MROH1: variants seen among roughly 807,000 people sequenced by gnomAD.
MROH1 encodes the protein maestro heat like repeat family member 1, also known as maestro heat-like repeat-containing protein family member 1.
In MROH1, 117 loss-of-function variants were observed where a neutral mutation model predicts 116.5. The ratio of observed to expected loss-of-function variants is 1.00; its 90% CI spans 0.86 to 1.17. The LOEUF is 1.17. Among genes scored for constraint, MROH1 ranks in the 50% most tolerant of loss-of-function variants. The pLI, the probability that MROH1 is intolerant of heterozygous loss-of-function variation, is 0.00. For missense variants in MROH1, 1,873 were observed against 1,338.5 expected (o/e 1.40, Z -6.23); for synonymous variants, 921 against 583.9 (o/e 1.58, Z -8.32).
chr8:144,213,048 AACATGAGGACTGCCCTGC>A, intron 12 of MROH1: 1 of 779,860 alleles, frequency 1.3e-6, no homozygotes, highest in Non-Finnish European at 2.4e-6. Context: ...ACACGACTGA[AACATGAGGACTGCCCTGC>A]ACGTGCTGCT....
intron 5 of MROH1, among the ~76,000 whole-genome samples, 156 bp downstream of exon 5, chr8:144,179,742 G>A (rs1825065976): frequency 6.7e-6 from 1 of 149,996 alleles, no homozygotes; most frequent in African/African-American, 2.5e-5. Flanking sequence ...CACCCTGCAG[G>A]GGTGGGGGGT....
chr8:144,241,000 G>A lies in MROH1; in HGVS notation c.1944G>A (p.Leu648=). ...CTCTGGTTTTGTTTCAGAACTTCCTGTACAAATGCATAGGCACCACCCTGG... is the reference window on the plus strand; with the variant it reads ...CTCTGGTTTTGTTTCAGAACTTCCTATACAAATGCATAGGCACCACCCTGG... ...YDEAPQEKNF[L]YKCIGTTLGA... The change falls in exon 21 of 44, where the codon CTG becomes CTA. Residue 648 remains leucine (L), a synonymous_variant. Transcript: ENST00000326134. 1.3e-6 allele frequency: 1 copy of A among 762,660 alleles called. No individual in the cohort carries two copies. Among genetic ancestry groups the A allele is most frequent in the Non-Finnish European group, 2.4e-6 (1 of 409,784 alleles). 47.2% of individuals were successfully genotyped at this position (762,660 alleles called of 1,614,324 possible).
intron 29 of MROH1, among the ~76,000 whole-genome samples, chr8:144,247,028 C>T (rs1004436583): frequency 1.3e-4 from 20 of 152,384 alleles, no homozygotes; most frequent in African/African-American, 4.3e-4. Flanking sequence ...TCGGCATGGC[C>T]TGGCCCTCCT....
At chr8:144,166,078 C>T (rs1258851178) in intron 3 of MROH1, among the ~76,000 whole-genome samples, 3 of 151,896 alleles carry the variant, frequency 2.0e-5, no homozygotes, top group Admixed American at 2.0e-4. Flanking sequence ...ATGGTTTCAC[C>T]ATGTTGGCCA....
At chr8:144,225,351 C>T (rs1641830410) in intron 14 of MROH1, among the ~76,000 whole-genome samples, 1 of 151,932 alleles carries the variant, frequency 6.6e-6, no homozygotes, top group Non-Finnish European at 1.5e-5. Context: ...TTGTTTTGTT[C>T]TTGAATAGAG....
At chr8:144,244,057 C>CGTGTGTGCACGCCTT in intron 26 of MROH1, 115 bp downstream of exon 26, 1 of 711,986 alleles carries the variant, frequency 1.4e-6, no homozygotes, top group Admixed American at 2.0e-5. Context: ...CCTGTGCTTG[C>CGTGTGTGCACGCCTT]GTGTGTGCAC....
At chr8:144,209,814 G>A (rs1268718908) in intron 12 of MROH1, among the ~76,000 whole-genome samples, 1 of 150,374 alleles carries the variant, frequency 6.7e-6, no homozygotes, top group Admixed American at 6.7e-5. Context: ...ACTGAGGTGA[G>A]AGGATCACCT....
chr8:144,173,400 A>G (rs944314726), intron 4 of MROH1, among the ~76,000 whole-genome samples: 1 of 143,126 alleles, frequency 7.0e-6, no homozygotes, highest in African/African-American at 2.6e-5. Context: ...CTTCTTTTTT[A>G]TTTATTTATT....
At chr8:144,257,280 C>T (rs1174722703) in intron 35 of MROH1, among the ~76,000 whole-genome samples, 3 of 152,166 alleles carry the variant, frequency 2.0e-5, no homozygotes, top group Non-Finnish European at 4.4e-5. Flanking sequence ...GGGAGGGAAC[C>T]CGTGAGAGAG....
At chr8:144,219,502 G>A (rs1479542040) in intron 12 of MROH1, among the ~76,000 whole-genome samples, 1 of 152,094 alleles carries the variant, frequency 6.6e-6, no homozygotes, top group African/African-American at 2.4e-5. Context: ...CAGTTCTGAG[G>A]CTATGAAGAT....
In MROH1 at chr8:144,242,363, T is replaced by C. The variant is rs1162313027; in HGVS notation, c.2179-6T>C. The C allele has an allele frequency of 2.6e-6, 2 of 780,608 alleles. No homozygotes were observed. The highest frequency in any genetic ancestry group is 4.8e-6 in the Non-Finnish European group (2 of 417,842). 48.4% of individuals were successfully genotyped at this position (780,608 alleles called of 1,614,324 possible). ...TGAAGTCCCGCTGGTTCCTCTGGCC[T>C]CTCAGGATCGAAGTGAGAACGAAGT... On this transcript the variant is annotated splice_region_variant and splice_polypyrimidine_tract_variant and intron_variant, in intron 22 of 43. Coordinates refer to ENST00000326134, the MANE Select transcript of MROH1 (RefSeq NM_032450.3).
rs968184985 is a variant in MROH1, at chr8:144,254,399, G to A, written c.3429-414G>A. On this transcript the variant is annotated intron_variant, in intron 33 of 43. Coordinates refer to ENST00000326134, the MANE Select transcript of MROH1 (RefSeq NM_032450.3). Reference sequence around the variant, plus strand: ...GCTGAGCGTAGCTGCCTCACGGTGCGTCTGCGGTGCCATCTGAGTGTTCTT... The same window carrying A: ...GCTGAGCGTAGCTGCCTCACGGTGCATCTGCGGTGCCATCTGAGTGTTCTT... 3.6e-3 allele frequency: 602 copies of A among 169,276 alleles called. 7 individuals carry two copies. Among genetic ancestry groups the A allele is most frequent in the South Asian group, 0.012 (64 of 5,348 alleles). 10.5% of individuals were successfully genotyped at this position (169,276 alleles called of 1,614,324 possible).
intron 4 of MROH1, among the ~76,000 whole-genome samples, chr8:144,177,315 G>A (rs1252403771): frequency 6.6e-6 from 1 of 152,224 alleles, no homozygotes; most frequent in African/African-American, 2.4e-5. Flanking sequence ...GGAGCTGCCT[G>A]GCGCTGCCCC....
chr8:144,177,450 C>T (rs540430887), intron 4 of MROH1, among the ~76,000 whole-genome samples: 1 of 152,326 alleles, frequency 6.6e-6, no homozygotes, highest in East Asian at 1.9e-4. Flanking sequence ...ATTGTTTCTC[C>T]TCCAAACGAC....
In MROH1 at chr8:144,243,841, G is replaced by A. The variant is rs1841419550; in HGVS notation, c.2476-22G>A. Reference sequence around the variant, plus strand: ...AGCTGGCGTTTCCTCCAAGGGCTGAGTCATGCACCTGCCTCACCCAGGAGT... The same window carrying A: ...AGCTGGCGTTTCCTCCAAGGGCTGAATCATGCACCTGCCTCACCCAGGAGT... On this transcript the variant is annotated intron_variant, in intron 25 of 43. Transcript: ENST00000326134. 3.9e-6 allele frequency: 3 copies of A among 774,830 alleles called. No individual in the cohort carries two copies. In the South Asian group the frequency reaches 4.1e-5, roughly 11 times the overall value. 48.0% of individuals were successfully genotyped at this position (774,830 alleles called of 1,614,324 possible).
chr8:144,176,577 C>T (rs1398998206), intron 4 of MROH1, among the ~76,000 whole-genome samples: 1 of 150,262 alleles, frequency 6.7e-6, no homozygotes. Context: ...TATGATGGCT[C>T]ATGCCTATAA....
chr8:144,217,503 T>A (rs963271419), intron 12 of MROH1, among the ~76,000 whole-genome samples: 3 of 152,228 alleles, frequency 2.0e-5, no homozygotes, highest in Admixed American at 2.0e-4. Flanking sequence ...ATGCTCAATC[T>A]ATCCAGGCTG....
At chr8:144,194,235 G>A (rs1829310020) in intron 10 of MROH1, among the ~76,000 whole-genome samples, 1 of 151,274 alleles carries the variant, frequency 6.6e-6, no homozygotes, top group South Asian at 2.1e-4. Context: ...GCTAATTTTT[G>A]TATTTTTAAT....
At chr8:144,242,771 G>C in intron 24 of MROH1, 143 bp downstream of exon 24, 2 of 673,588 alleles carry the variant, frequency 3.0e-6, no homozygotes, top group Non-Finnish European at 5.5e-6. Context: ...GGAGGCGTTC[G>C]AGAGCATCAC....
Sources: allele counts gnomAD v4.1 joint callset (sites outside exome capture counted in the v4.1 genomes callset), GRCh38; gene constraint gnomAD v4.1.1; transcripts MANE v1.5; gene names NCBI Gene and HGNC (gene_info 2026-07-23, HGNC 2026-07-21).